INPP5D: variants seen among roughly 807,000 people sequenced by gnomAD.
INPP5D encodes inositol polyphosphate-5-phosphatase D.
In INPP5D, 33 loss-of-function variants were observed where a neutral mutation model predicts 122.9. The ratio of observed to expected loss-of-function variants is 0.27; its 90% CI spans 0.20 to 0.36. The LOEUF (loss-of-function observed/expected upper bound fraction) is 0.36. Among genes scored for constraint, INPP5D ranks in the 10% least tolerant of loss-of-function variants. The probability of loss-of-function intolerance (pLI) is 1.00; values close to 1 mark genes in which losing one functional copy is unlikely to be tolerated. For missense variants in INPP5D, 1,053 were observed against 1,412.7 expected, an observed-to-expected ratio of 0.75 and a Z score of 4.08; for synonymous variants, 584 against 576.2, an observed-to-expected ratio of 1.01 and a Z score of -0.19.
chr2:233,178,645 G>A (rs994539864), intron 18 of INPP5D, among the ~76,000 whole-genome samples: 1 of 152,022 alleles, frequency 6.6e-6, no homozygotes, highest in Admixed American at 6.6e-5. Flanking sequence ...ACCACGCCTG[G>A]CTAATTTTTT....
intron 6 of INPP5D, among the ~76,000 whole-genome samples, chr2:233,143,834 G>A (rs1693677972): frequency 6.6e-6 from 1 of 152,066 alleles, no homozygotes; most frequent in African/African-American, 2.4e-5. Context: ...GATGGTGATG[G>A]TGATGGTAGA....
intron 2 of INPP5D, among the ~76,000 whole-genome samples, chr2:233,113,647 C>A (rs1260710275): frequency 6.6e-6 from 1 of 152,090 alleles, no homozygotes; most frequent in Non-Finnish European, 1.5e-5. Context: ...CAACATCAAC[C>A]AAGTTACTGC....
At position 233,111,136 on chromosome 2, in the gene INPP5D, C is replaced by G. The variant is rs972387245; in HGVS notation, c.199-10971C>G. The stretch of plus-strand genomic sequence containing the variant: ...GAATTATTGACAAGTAAGTTGCTGA[C>G]AATGCCCCACTGTCCCTAAATATAT... On this transcript the variant is annotated intron_variant, in intron 2 of 26. Coordinates refer to ENST00000445964, the MANE Select transcript of INPP5D (RefSeq NM_001017915.3). Among the ~76,000 whole-genome samples the G allele has an allele frequency of 3.9e-5, 6 of 152,134 alleles. No homozygotes were observed. In the South Asian group the frequency reaches 1.2e-3, roughly 31 times the overall value.
chr2:233,154,134 C>T (rs1693989723), intron 9 of INPP5D, among the ~76,000 whole-genome samples: 1 of 145,768 alleles, frequency 6.9e-6, no homozygotes, highest in African/African-American at 2.6e-5. Context: ...AGACAAAACA[C>T]TTGGAGGGAT....
intron 4 of INPP5D, among the ~76,000 whole-genome samples, chr2:233,126,754 C>T (rs1294983712): frequency 2.6e-5 from 4 of 152,006 alleles, no homozygotes; most frequent in African/African-American, 9.7e-5. Context: ...ACCCCTTCTC[C>T]ACTAAAAATA....
chr2:233,149,735 T>C (rs564010967), intron 9 of INPP5D, among the ~76,000 whole-genome samples: 117 of 152,312 alleles, frequency 7.7e-4, no homozygotes, highest in African/African-American at 2.4e-3. Context: ...GGTCAGCCAC[T>C]TGTGACTTGG....
intron 14 of INPP5D, chr2:233,169,780 C>CG (rs1559331759): frequency 2.2e-5 from 14 of 637,134 alleles, no homozygotes; most frequent in Non-Finnish European, 2.4e-5. Flanking sequence ...CTCTGCTGAG[C>CG]AGATGCTGCT....
chr2:233,071,911 T>C (rs933553247), intron 1 of INPP5D, among the ~76,000 whole-genome samples: 24 of 152,238 alleles, frequency 1.6e-4, no homozygotes, highest in Admixed American at 1.4e-3. Context: ...TGGGATTTTC[T>C]TGTTTGACTC....
intron 2 of INPP5D, among the ~76,000 whole-genome samples, chr2:233,104,834 C>T (rs924664020): frequency 1.3e-5 from 2 of 152,046 alleles, no homozygotes; most frequent in South Asian, 4.2e-4. Context: ...GGCCTTGGTA[C>T]CAGTAATTCA....
chr2:233,159,839 T>G (rs1044002060), intron 10 of INPP5D, among the ~76,000 whole-genome samples: 1 of 151,798 alleles, frequency 6.6e-6, no homozygotes, highest in South Asian at 2.1e-4. Flanking sequence ...TCCCACTGAG[T>G]GCCCAGTCTC....
chr2:233,204,261 G>A lies in INPP5D; in HGVS notation c.3111G>A (p.Gln1037=), dbSNP rs1482976863. 2 of 1,613,594 alleles carry A rather than the reference G, an allele frequency of 1.2e-6. No homozygotes were observed. The highest frequency in any genetic ancestry group is 2.2e-5 in the South Asian group (2 of 91,084). The part of the protein sequence containing the change: ...SFPKPAPRKD[Q]ESPKMPRKEP... Reference sequence around the variant, plus strand: ...CTAAGCCTGCTCCCAGGAAGGACCAGGAATCCCCCAAAATGCCGCGGAAGG... The same window carrying A: ...CTAAGCCTGCTCCCAGGAAGGACCAAGAATCCCCCAAAATGCCGCGGAAGG... The change falls in exon 26 of 27, where the codon CAG becomes CAA. Residue 1037 remains glutamine, a synonymous_variant. Coordinates refer to ENST00000445964, the MANE Select transcript of INPP5D (RefSeq NM_001017915.3).
In INPP5D at chr2:233,165,273, A is replaced by C. The variant is rs190803481; in HGVS notation, c.1555+849A>C. Among the ~76,000 whole-genome samples, 35 of 151,704 alleles carry C rather than the reference A, an allele frequency of 2.3e-4. 1 individual carries two copies. The highest frequency in any genetic ancestry group is 2.2e-3 in the Admixed American group (33 of 15,256). The stretch of plus-strand genomic sequence containing the variant: ...TGTGTGTCTATATGTGTGTGAATCT[A>C]TGCATGTGTTTGAGTGTGTCTATGT... On this transcript the variant is annotated intron_variant, in intron 13 of 26. Transcript: ENST00000445964.
chr2:233,088,520 G>C (rs1401721782), intron 2 of INPP5D, among the ~76,000 whole-genome samples: 1 of 152,144 alleles, frequency 6.6e-6, no homozygotes, highest in South Asian at 2.1e-4. Flanking sequence ...TAGTTCCCTC[G>C]GGGAAGCAGT....
At position 233,160,017 on chromosome 2, in the gene INPP5D, C is replaced by T. The variant is rs1465744431; in HGVS notation, c.1137+1598C>T. Among the ~76,000 whole-genome samples, 1 of 152,154 alleles carries T rather than the reference C, an allele frequency of 6.6e-6. No homozygotes were observed. Among genetic ancestry groups the T allele is most frequent in the Non-Finnish European group, 1.5e-5 (1 of 68,026 alleles). On this transcript the variant is annotated intron_variant, in intron 10 of 26. Coordinates refer to ENST00000445964, the MANE Select transcript of INPP5D (RefSeq NM_001017915.3). This position sits in a 1 kb window ranked among gnomAD's most constrained non-coding sequence, Gnocchi z 4.2. The stretch of plus-strand genomic sequence containing the variant: ...CCGCTGGGCTGGAATGCTTTCTGAG[C>T]ACCTGGGCATAGGTTCAAACACCAG...
intron 2 of INPP5D, among the ~76,000 whole-genome samples, chr2:233,108,074 C>T (rs771332963): frequency 6.6e-5 from 10 of 152,202 alleles, no homozygotes; most frequent in Middle Eastern, 3.4e-3. Context: ...CCCCAGGGGG[C>T]GGACCTCCTG....
At chr2:233,192,961 C>A (rs146873004) in intron 22 of INPP5D, among the ~76,000 whole-genome samples, 2 of 152,184 alleles carry the variant, frequency 1.3e-5, no homozygotes, top group African/African-American at 4.8e-5. Flanking sequence ...GATCTTGGCT[C>A]GCTGCAACCT....
At chr2:233,063,223 T>C (rs1370986275) in intron 1 of INPP5D, among the ~76,000 whole-genome samples, 1 of 152,176 alleles carries the variant, frequency 6.6e-6, no homozygotes, top group Non-Finnish European at 1.5e-5. Context: ...TAGAAGTGAC[T>C]GCAGAAGGAA....
intron 2 of INPP5D, among the ~76,000 whole-genome samples, chr2:233,088,487 G>A (rs1191908484): frequency 2.0e-5 from 3 of 152,208 alleles, no homozygotes; most frequent in Non-Finnish European, 4.4e-5. Flanking sequence ...TCTTCCTCGG[G>A]TCTTCAGGGT....
intron 10 of INPP5D, among the ~76,000 whole-genome samples, chr2:233,161,455 G>A (rs543699409): frequency 6.6e-6 from 1 of 152,246 alleles, no homozygotes; most frequent in Admixed American, 6.5e-5. Flanking sequence ...ATTTTTTTCT[G>A]TGCTGAGGCC....
Sources: allele counts gnomAD v4.1 joint callset (sites outside exome capture counted in the v4.1 genomes callset), GRCh38; gene constraint gnomAD v4.1.1; non-coding constraint Gnocchi (gnomAD v3.1); transcripts MANE v1.5; gene names NCBI Gene and HGNC (gene_info 2026-07-23, HGNC 2026-07-21).